PCLO: variants seen among roughly 807,000 people sequenced by gnomAD.
The protein encoded by PCLO is protein piccolo.
PCLO carries 82 observed loss-of-function variants against 427.5 expected under a neutral mutation model. The ratio of observed to expected loss-of-function variants is 0.19; its 90% confidence interval spans 0.16 to 0.23. The LOEUF is 0.23. PCLO is among the 10% of genes least tolerant of loss of function. The pLI is 1.00. For missense variants in PCLO, 6,239 were observed against 6,115.9 expected (o/e 1.02, Z -0.67); for synonymous variants, 2,357 against 2,155.4 (o/e 1.09, Z -2.59).
chr7:82,950,381 C>A lies in PCLO; in HGVS notation c.10207G>T (p.Val3403Phe). ...TVSEIPLTDVVVKEEKQPKKR... is the reference protein window; with the variant it reads ...TVSEIPLTDVFVKEEKQPKKR... ...TTGGGTTGTTTTTCCTCTTTCACAA[C>A]AACATCTGTTAGAGGTATTTCTGAA... Residue 3403 changes from valine to phenylalanine, a missense_variant, in exon 6 of 25, where the codon GTT becomes TTT. By Grantham distance (50) the Val-to-Phe change is conservative. Transcript: ENST00000333891. 1 of 1,613,754 alleles carries A rather than the reference C, an allele frequency of 6.2e-7. No homozygotes were observed. Among genetic ancestry groups the A allele is most frequent in the Non-Finnish European group, 8.5e-7 (1 of 1,179,830 alleles).
chr7:82,955,254 G>A lies in PCLO; in HGVS notation c.5699C>T (p.Ser1900Phe). The A allele has an allele frequency of 1.9e-6, 3 of 1,613,654 alleles. No individual in the cohort carries two copies. The East Asian group carries it at 6.7e-5, about 36-fold the overall frequency. ...VSLYSPTDEQ[S>F]IMQKEGSQKA... ...TTGGCTACCTTCTTTCTGCATAATA[G>A]ATTGCTCATCTGTTGGTGAGTATAA... The change falls in exon 5 of 25, where the codon TCT becomes TTT. Residue 1900 changes from serine to phenylalanine, a missense_variant. By Grantham distance (155) the Ser-to-Phe change is radical. Around this residue, in one of 5 missense-constraint regions of PCLO, gnomAD observed 4,677 missense variants for 4,468.4 expected, o/e 1.05. Coordinates refer to ENST00000333891, the MANE Select transcript of PCLO (RefSeq NM_033026.6).
chr7:82,967,316 A>G (rs2115673039), intron 3 of PCLO, among the ~76,000 whole-genome samples: 1 of 149,690 alleles, frequency 6.7e-6, no homozygotes, highest in East Asian at 2.0e-4. Flanking sequence ...CCTGGGATTC[A>G]GGCACGCGCC....
At position 82,954,787 on chromosome 7, in the gene PCLO, TTTC is replaced by T. The variant is rs1335053648; in HGVS notation, c.6163_6165del (p.Glu2055del). On this transcript the variant is annotated inframe_deletion, in exon 5 of 25. Transcript: ENST00000333891. ...GCAGCATCAGCATCTAGTAGTTTCC[TTTC>T]TTCTTCTGTAGAAGTTACCATAGTA... 1 of 1,613,784 alleles carries T rather than the reference TTTC, an allele frequency of 6.2e-7. No homozygotes were observed. Among genetic ancestry groups the T allele is most frequent in the South Asian group, 1.1e-5 (1 of 91,052 alleles).
chr7:83,074,824 G>T (rs1387248300), intron 3 of PCLO, among the ~76,000 whole-genome samples: 3 of 152,120 alleles, frequency 2.0e-5, no homozygotes, highest in Non-Finnish European at 4.4e-5. Flanking sequence ...TTTGCCATTT[G>T]TGTATTCACA....
At chr7:82,979,087 G>A (rs905893030) in intron 3 of PCLO, among the ~76,000 whole-genome samples, 3 of 152,092 alleles carry the variant, frequency 2.0e-5, no homozygotes, top group African/African-American at 7.2e-5. Context: ...CTTCAGTTAA[G>A]GCATGATTGT....
At chr7:83,057,988 C>A (rs10241196) in intron 3 of PCLO, among the ~76,000 whole-genome samples, 25,882 of 152,004 alleles carry the variant, frequency 0.17, 2,785 homozygotes, top group African/African-American at 0.3. Flanking sequence ...TGACTGTCTT[C>A]AGGGAATAGA....
chr7:83,077,353 G>C (rs1228366485), intron 3 of PCLO, among the ~76,000 whole-genome samples: 5 of 152,040 alleles, frequency 3.3e-5, no homozygotes, highest in Admixed American at 1.3e-4. Context: ...AATTGCAAAG[G>C]GGTCATCATA....
chr7:83,057,967 G>T (rs1183866622), intron 3 of PCLO, among the ~76,000 whole-genome samples: 1 of 152,094 alleles, frequency 6.6e-6, no homozygotes, highest in Non-Finnish European at 1.5e-5. Context: ...AACAGGATGG[G>T]ACAAAATGTA....
Position 82,953,447 on chromosome 7 carries a change from C to T in PCLO, c.7506G>A (p.Arg2502=), listed in dbSNP as rs17156893. 4.1e-4 allele frequency: 666 copies of T among 1,613,062 alleles called. No individual in the cohort carries two copies. The African/African-American group carries it at 7.9e-3, about 19-fold the overall frequency. ...CGATTGGAGGTTTGCTTGGCTCAGG[C>T]CTGTGGGTAAATACAAGTCCAGATG... ...SIPSGLVFTH[R]PEPSKPPIAP... The change falls in exon 5 of 25, where the codon AGG becomes AGA. Residue 2502 remains arginine (R), a synonymous_variant. Transcript: ENST00000333891.
At chr7:82,914,434 A>C (rs1304423321) in intron 7 of PCLO, 2 of 582,020 alleles carry the variant, frequency 3.4e-6, no homozygotes, top group Admixed American at 3.1e-5. Context: ...AGAAAAGCAG[A>C]CACCAAACAA....
intron 3 of PCLO, among the ~76,000 whole-genome samples, chr7:82,992,209 G>A (rs985248953): frequency 1.3e-5 from 2 of 151,992 alleles, no homozygotes; most frequent in Non-Finnish European, 2.9e-5. Flanking sequence ...ATGTGTCCTA[G>A]TATCTCTGGC....
At chr7:82,835,171 C>A (rs1792200767) in intron 16 of PCLO, among the ~76,000 whole-genome samples, 1 of 152,034 alleles carries the variant, frequency 6.6e-6, no homozygotes, top group Non-Finnish European at 1.5e-5. Context: ...GTCTCGATCT[C>A]CTGACCTTGT....
At chr7:83,059,357 A>AAAAATATAT (rs1332566491) in intron 3 of PCLO, among the ~76,000 whole-genome samples, 4 of 111,814 alleles carry the variant, frequency 3.6e-5, no homozygotes, top group Admixed American at 9.7e-5. Flanking sequence ...ACACCTTTAA[A>AAAAATATAT]ATATATATAT....
intron 4 of PCLO, among the ~76,000 whole-genome samples, chr7:82,959,860 T>C (rs563180592): frequency 2.6e-5 from 4 of 152,130 alleles, no homozygotes; most frequent in Non-Finnish European, 5.9e-5. Context: ...CTCTCCAGGC[T>C]TTTTTTCCTT....
chr7:82,882,379 T>G (rs1793529186), intron 9 of PCLO, among the ~76,000 whole-genome samples: 1 of 152,162 alleles, frequency 6.6e-6, no homozygotes, highest in Non-Finnish European at 1.5e-5. Flanking sequence ...TGACAAATTT[T>G]TATCAAGATA....
chr7:83,092,202 C>T (rs1790394881), intron 3 of PCLO, among the ~76,000 whole-genome samples: 1 of 152,182 alleles, frequency 6.6e-6, no homozygotes, highest in South Asian at 2.1e-4. Flanking sequence ...AGTCACCCTG[C>T]AGAACCCTCC....
intron 6 of PCLO, among the ~76,000 whole-genome samples, chr7:82,939,613 C>G (rs1342140561): frequency 6.7e-6 from 1 of 148,704 alleles, no homozygotes; most frequent in Non-Finnish European, 1.5e-5. Flanking sequence ...TTCTTTTTCC[C>G]ACTGGAAATA....
chr7:83,015,836 C>G (rs929672790), intron 3 of PCLO, among the ~76,000 whole-genome samples: 12 of 152,006 alleles, frequency 7.9e-5, no homozygotes, highest in Admixed American at 3.3e-4. Context: ...AGAAAAGGTC[C>G]TAGAATGTTA....
intron 3 of PCLO, among the ~76,000 whole-genome samples, chr7:83,031,347 T>C (rs560374072): frequency 3.5e-4 from 54 of 152,190 alleles, no homozygotes; most frequent in Non-Finnish European, 6.6e-4. Context: ...CATGGAAATG[T>C]ATGTTTTACT....
Sources: gnomAD v4.1 joint callset for allele counts (sites outside exome capture counted in the v4.1 genomes callset) on GRCh38, gnomAD v4.1.1 for gene constraint, gnomAD v4.1.1 regional missense constraint, MANE v1.5 for transcripts, NCBI Gene and HGNC (gene_info 2026-07-23, HGNC 2026-07-21) for gene names.